Variants in FLRT2 observed in about 807,000 individuals in gnomAD.
FLRT2 encodes fibronectin leucine rich transmembrane protein 2, also known as leucine-rich repeat transmembrane protein FLRT2.
Under a neutral mutation model 40.0 loss-of-function variants are expected in FLRT2, and 15 were observed. The ratio of observed to expected loss-of-function variants is 0.38; its 90% CI spans 0.25 to 0.58. FLRT2 has a LOEUF of 0.58. Ranked by LOEUF, FLRT2 falls within the 20% of genes least tolerant of loss-of-function variation. The probability of loss-of-function intolerance (pLI) is 0.71; values close to 1 mark genes in which losing one functional copy is unlikely to be tolerated. For missense variants in FLRT2, 726 were observed against 840.0 expected, an observed-to-expected ratio of 0.86 and a Z score of 1.68; for synonymous variants, 380 against 336.8, an observed-to-expected ratio of 1.13 and a Z score of -1.41.
intron 1 of FLRT2, among the ~76,000 whole-genome samples, chr14:85,571,510 G>T (rs146077135): frequency 6.6e-6 from 1 of 152,290 alleles, no homozygotes; most frequent in East Asian, 1.9e-4. Context: ...CGATTGACAT[G>T]CTCAAAGGCT....
intron 1 of FLRT2, among the ~76,000 whole-genome samples, chr14:85,539,401 A>C (rs1888853164): frequency 6.6e-6 from 1 of 152,120 alleles, no homozygotes; most frequent in Non-Finnish European, 1.5e-5. Context: ...ACAAGCCTAG[A>C]AATATTTTGA....
At chr14:85,619,582 A>C (rs758249809) in intron 1 of FLRT2, among the ~76,000 whole-genome samples, 14 of 152,196 alleles carry the variant, frequency 9.2e-5, no homozygotes, top group Non-Finnish European at 2.9e-5. Context: ...TTGACACTTA[A>C]ATAACATTTC....
rs1893500923 is a variant in FLRT2, at chr14:85,623,132, C to T, written c.1618C>T (p.Pro540Ser). The change falls in exon 2 of 2, where the codon CCC becomes TCC. Residue 540 changes from proline to serine, a missense_variant. This residue lies in a region of FLRT2 where 611 missense variants were observed against 690.0 expected (regional missense o/e 0.89). Coordinates refer to ENST00000330753, the MANE Select transcript of FLRT2 (RefSeq NM_013231.6). ...EQTTSHSMGS[P>S]FLLAGLIGGA... ...GACGACGTCCCACAGCATGGGCTCC[C>T]CCTTTCTGCTGGCGGGCTTGATCGG... 1 of 1,604,144 alleles carries T rather than the reference C, an allele frequency of 6.2e-7. No individual in the cohort carries two copies. Among genetic ancestry groups the T allele is most frequent in the Non-Finnish European group, 8.5e-7 (1 of 1,174,362 alleles).
rs1371452384 is a variant in FLRT2 at position 85,653,620 on chromosome 14, T to G, written c.*30123T>G. The G allele has an allele frequency of 6.6e-6, 1 of 152,190 alleles. No homozygotes were observed. The highest frequency in any genetic ancestry group is 1.5e-5 in the Non-Finnish European group (1 of 68,064). The allele number at this position is 152,190 out of a possible 1,614,324, so 9.4% of individuals were successfully genotyped here. A position where few individuals can be genotyped will look rare whatever the true frequency, so the allele number is the denominator to read the frequency against. ...AAGAAACCCTGGTCCAAGCGAACTG[T>G]CTCCTTCACCAAAGCCACCTTGGAG... is the stretch of plus-strand genomic sequence containing the variant. On this transcript the variant is annotated 3_prime_UTR_variant, in exon 2 of 2. Coordinates refer to ENST00000330753, the MANE Select transcript of FLRT2 (RefSeq NM_013231.6).
chr14:85,622,384 G>A lies in FLRT2; in HGVS notation c.870G>A (p.Met290Ile). ...RLDISNNQLR[M>I]LTQGVFDNLS... Reference sequence around the variant, plus strand: ...ATATATCCAACAACCAACTGCGGATGCTGACTCAAGGGGTTTTTGATAATC... The same window carrying A: ...ATATATCCAACAACCAACTGCGGATACTGACTCAAGGGGTTTTTGATAATC... Residue 290 changes from methionine (M) to isoleucine (I), a missense_variant, in exon 2 of 2, where the codon ATG (methionine) becomes ATA (isoleucine). By Grantham distance (10) the Met-to-Ile change is conservative (BLOSUM62 1). This residue lies in a region of FLRT2 where 611 missense variants were observed against 690.0 expected (regional missense o/e 0.89). Coordinates refer to ENST00000330753, the MANE Select transcript of FLRT2 (RefSeq NM_013231.6). 6.2e-7 allele frequency: 1 copy of A among 1,614,170 alleles called. No homozygotes were observed. The highest frequency in any genetic ancestry group is 8.5e-7 in the Non-Finnish European group (1 of 1,180,020).
At chr14:85,559,670 G>A (rs375066222) in intron 1 of FLRT2, among the ~76,000 whole-genome samples, 1 of 151,994 alleles carries the variant, frequency 6.6e-6, no homozygotes, top group Non-Finnish European at 1.5e-5. Context: ...AGCTCAGCAG[G>A]TCAGTTTAAT....
chr14:85,611,175 C>A (rs1892839029), intron 1 of FLRT2, among the ~76,000 whole-genome samples: 1 of 152,094 alleles, frequency 6.6e-6, no homozygotes, highest in African/African-American at 2.4e-5. Context: ...GGATTACGGG[C>A]CTTCTTGCTT....
chr14:85,585,034 CT>C (rs1319981683), intron 1 of FLRT2, among the ~76,000 whole-genome samples: 3 of 152,102 alleles, frequency 2.0e-5, no homozygotes, highest in African/African-American at 7.2e-5. Context: ...GGATATTTAA[CT>C]TGGCACCAAG....
At chr14:85,595,359 TACTTA>T (rs1892086806) in intron 1 of FLRT2, among the ~76,000 whole-genome samples, 1 of 152,012 alleles carries the variant, frequency 6.6e-6, no homozygotes, top group Non-Finnish European at 1.5e-5. Flanking sequence ...CAAATGAATT[TACTTA>T]ACTTTAGTTT....
chr14:85,581,128 C>T (rs760552562), intron 1 of FLRT2, among the ~76,000 whole-genome samples: 2 of 152,174 alleles, frequency 1.3e-5, no homozygotes, highest in Non-Finnish European at 2.9e-5. Context: ...TTGTTGACCA[C>T]AGATACCCTT....
At chr14:85,619,084 CTT>C (rs11305956) in intron 1 of FLRT2, among the ~76,000 whole-genome samples, 302 of 134,292 alleles carry the variant, frequency 2.2e-3, no homozygotes, top group Middle Eastern at 8.2e-3. Flanking sequence ...TAATGCTTGA[CTT>C]TTTTTTTTTT....
intron 1 of FLRT2, among the ~76,000 whole-genome samples, chr14:85,559,799 C>T (rs917240506): frequency 1.6e-4 from 25 of 152,088 alleles, no homozygotes; most frequent in African/African-American, 2.9e-4. Flanking sequence ...CCATTACCTC[C>T]GTGAGGTTAG....
At chr14:85,608,638 G>T (rs1365057809) in intron 1 of FLRT2, among the ~76,000 whole-genome samples, 1 of 152,202 alleles carries the variant, frequency 6.6e-6, no homozygotes, top group Non-Finnish European at 1.5e-5. Context: ...ATATTCGTGA[G>T]TTAAGTCATA....
chr14:85,535,732 C>T (rs746728219), intron 1 of FLRT2, among the ~76,000 whole-genome samples: 4 of 152,054 alleles, frequency 2.6e-5, no homozygotes, highest in Non-Finnish European at 4.4e-5. Flanking sequence ...ACCATACTGT[C>T]ATGTTGAGTT....
chr14:85,583,635 C>T (rs780256899), intron 1 of FLRT2, among the ~76,000 whole-genome samples: 1 of 152,094 alleles, frequency 6.6e-6, no homozygotes, highest in Non-Finnish European at 1.5e-5. Context: ...GCTCCTGGTC[C>T]GCTTAAAGAA....
chr14:85,575,129 A>G (rs1891072337), intron 1 of FLRT2, among the ~76,000 whole-genome samples: 1 of 152,080 alleles, frequency 6.6e-6, no homozygotes, highest in Admixed American at 6.5e-5. Context: ...TTCAAATGTG[A>G]TTTTCTAGGC....
At chr14:85,576,040 C>T (rs1891114361) in intron 1 of FLRT2, among the ~76,000 whole-genome samples, 1 of 152,124 alleles carries the variant, frequency 6.6e-6, no homozygotes, top group Admixed American at 6.5e-5. Context: ...TGCACTAACT[C>T]GTTAAGAGAT....
intron 1 of FLRT2, among the ~76,000 whole-genome samples, chr14:85,581,150 G>A (rs1324762181): frequency 1.3e-5 from 2 of 152,114 alleles, no homozygotes; most frequent in Non-Finnish European, 2.9e-5. Context: ...AAATTTGCGC[G>A]ACCGCCCACA....
chr14:85,534,008 C>T (rs1261596947), intron 1 of FLRT2, among the ~76,000 whole-genome samples: 3 of 152,204 alleles, frequency 2.0e-5, no homozygotes, highest in African/African-American at 7.2e-5. Context: ...CGCGCGCCCC[C>T]AACCCTCTTC....
Sources: allele counts gnomAD v4.1 joint callset (sites outside exome capture counted in the v4.1 genomes callset), GRCh38; gene constraint gnomAD v4.1.1; regional missense constraint gnomAD v4.1.1; transcripts MANE v1.5; gene names NCBI Gene and HGNC (gene_info 2026-07-23, HGNC 2026-07-21).